The following ST3GAL1 variants were observed in gnomAD, a reference collection of about 807,000 sequenced individuals.
ST3GAL1 encodes CMP-N-acetylneuraminate-beta-galactosamide-alpha-2,3-sialyltransferase 1.
A neutral mutation model predicts 34.1 loss-of-function variants in ST3GAL1; 16 were observed. The ratio of observed to expected loss-of-function variants is 0.47; its 90% CI spans 0.32 to 0.71. The LOEUF is 0.71. ST3GAL1 is among the 30% of genes least tolerant of loss of function. The probability of loss-of-function intolerance (pLI) is 0.04; values close to 1 mark genes in which losing one functional copy is unlikely to be tolerated. For missense variants in ST3GAL1, 353 were observed against 447.4 expected, an observed-to-expected ratio of 0.79 and a Z score of 1.90; for synonymous variants, 191 against 184.7, an observed-to-expected ratio of 1.03 and a Z score of -0.28.
intron 1 of ST3GAL1, among the ~76,000 whole-genome samples, chr8:133,553,630 A>C (rs984664160): frequency 6.6e-6 from 1 of 152,208 alleles, no homozygotes; most frequent in Admixed American, 6.5e-5. Context: ...AAATGTACAC[A>C]GGAGCTCAGA....
intron 5 of ST3GAL1, among the ~76,000 whole-genome samples, chr8:133,475,434 C>T (rs1482353354): frequency 1.3e-5 from 2 of 152,198 alleles, no homozygotes; most frequent in African/African-American, 2.4e-5. Flanking sequence ...AAACTAAAGC[C>T]GTGCTTCCTG....
chr8:133,470,756 G>A (rs75713098), intron 5 of ST3GAL1, among the ~76,000 whole-genome samples: 12,555 of 152,168 alleles, frequency 0.083, 569 homozygotes, highest in Admixed American at 0.16. Flanking sequence ...GGGGCGAGGC[G>A]AGTGAGGAGT....
chr8:133,554,443 G>C (rs62518380), intron 1 of ST3GAL1, among the ~76,000 whole-genome samples: 1 of 152,024 alleles, frequency 6.6e-6, no homozygotes, highest in Non-Finnish European at 1.5e-5. Flanking sequence ...TAGGGGTGTA[G>C]GCAGATGAAG....
intron 1 of ST3GAL1, among the ~76,000 whole-genome samples, chr8:133,568,479 C>T (rs888260618): frequency 6.6e-6 from 1 of 152,150 alleles, no homozygotes; most frequent in African/African-American, 2.4e-5. Context: ...TCTTTGTGAC[C>T]GGGCCAGCTC....
intron 2 of ST3GAL1, among the ~76,000 whole-genome samples, chr8:133,503,952 G>A (rs189840351): frequency 1.3e-4 from 20 of 152,318 alleles, no homozygotes; most frequent in African/African-American, 4.6e-4. Flanking sequence ...CCTCAGCCAG[G>A]CAGTGTGGGA....
chr8:133,551,972 G>C (rs1195775962), intron 1 of ST3GAL1, among the ~76,000 whole-genome samples: 1 of 152,170 alleles, frequency 6.6e-6, no homozygotes, highest in African/African-American at 2.4e-5. Context: ...ATAAAGGCTG[G>C]AGCCTGAATG....
chr8:133,556,774 A>G lies in ST3GAL1; in HGVS notation c.-581-10848T>C, dbSNP rs537469284. On this transcript the variant is annotated intron_variant, in intron 1 of 9. Transcript: ENST00000522652. The surrounding 1 kb of genome is among the most constrained non-coding windows in gnomAD (Gnocchi z 8.9). ...GGCAAATGTGACCCAGAATGCCACCACTAACAGTCCTATTTATAGCCCTTT... is the reference window on the plus strand; with the variant it reads ...GGCAAATGTGACCCAGAATGCCACCGCTAACAGTCCTATTTATAGCCCTTT... Among the ~76,000 whole-genome samples the G allele has an allele frequency of 1.9e-4, 29 of 152,272 alleles. No individual in the cohort carries two copies. Among genetic ancestry groups the G allele is most frequent in the African/African-American group, 7.0e-4 (29 of 41,546 alleles).
At chr8:133,567,629 G>A (rs1020280036) in intron 1 of ST3GAL1, among the ~76,000 whole-genome samples, 1 of 152,192 alleles carries the variant, frequency 6.6e-6, no homozygotes, top group Non-Finnish European at 1.5e-5. Context: ...AGACCTCAGA[G>A]TCTGAAACTT....
chr8:133,474,356 T>A (rs1816077681), intron 5 of ST3GAL1, among the ~76,000 whole-genome samples: 1 of 152,224 alleles, frequency 6.6e-6, no homozygotes, highest in South Asian at 2.1e-4. Context: ...AAAGACTCTA[T>A]CTTTTCCATC....
intron 5 of ST3GAL1, among the ~76,000 whole-genome samples, chr8:133,470,873 G>A (rs898600334): frequency 6.6e-6 from 1 of 152,152 alleles, no homozygotes; most frequent in Non-Finnish European, 1.5e-5. Flanking sequence ...CTGCACTCGG[G>A]CATGATCCAC....
Position 133,475,843 on chromosome 8 carries a change from C to T in ST3GAL1, c.182G>A (p.Cys61Tyr). The T allele has an allele frequency of 3.1e-6, 5 of 1,614,164 alleles. No individual in the cohort carries two copies. Among genetic ancestry groups the T allele is most frequent in the Non-Finnish European group, 4.2e-6 (5 of 1,180,042 alleles). Residue 61 changes from cysteine (C) to tyrosine (Y), a missense_variant, in exon 5 of 10, where the codon TGC becomes TAC. Coordinates refer to ENST00000522652, the MANE Select transcript of ST3GAL1 (RefSeq NM_173344.3). ...KRLIKHRPCT[C>Y]THCIGQRKLS... ...CTTGCGCTGCCCGATGCAGTGGGTG[C>T]AGGTGCAAGGCCTGTGCTTGATCAG...
intron 2 of ST3GAL1, among the ~76,000 whole-genome samples, chr8:133,520,776 T>C (rs1205407397): frequency 1.4e-5 from 1 of 71,532 alleles, no homozygotes; most frequent in East Asian, 4.6e-4. Context: ...TTTGTGGGTT[T>C]TTTTTTTTTT....
In ST3GAL1 at chr8:133,467,448, T is replaced by C. The variant is rs1359060568; in HGVS notation, c.307-1358A>G. ...CCCCATGCCACAGTGCTGTGTCATTTCACTGTGGGTGAGGTAGGATGCTCT... is the reference window on the plus strand; with the variant it reads ...CCCCATGCCACAGTGCTGTGTCATTCCACTGTGGGTGAGGTAGGATGCTCT... On this transcript the variant is annotated intron_variant, in intron 5 of 9. Coordinates refer to ENST00000522652, the MANE Select transcript of ST3GAL1 (RefSeq NM_173344.3). This position sits in a 1 kb window ranked among gnomAD's most constrained non-coding sequence, Gnocchi z 4.2. Among the ~76,000 whole-genome samples, 3 of 152,178 alleles carry C rather than the reference T, an allele frequency of 2.0e-5. No individual in the cohort carries two copies. Among genetic ancestry groups the C allele is most frequent in the African/African-American group, 7.2e-5 (3 of 41,444 alleles).
At position 133,547,277 on chromosome 8, in the gene ST3GAL1, CT is replaced by C. The variant is rs545499937; in HGVS notation, c.-581-1352del. Among the ~76,000 whole-genome samples the C allele has an allele frequency of 3.1e-3, 456 of 146,718 alleles. 4 individuals are homozygous for C. The highest frequency in any genetic ancestry group is 0.01 in the African/African-American group (415 of 40,176). ...CTCTCTCTTGCTGCTGAGAATCATT[CT>C]TTTTTTTTTTGAGATGGGTCTCACT... On this transcript the variant is annotated intron_variant, in intron 1 of 9. Coordinates refer to ENST00000522652, the MANE Select transcript of ST3GAL1 (RefSeq NM_173344.3).
chr8:133,529,229 G>A (rs1462345037), intron 2 of ST3GAL1, among the ~76,000 whole-genome samples: 1 of 152,210 alleles, frequency 6.6e-6, no homozygotes, highest in African/African-American at 2.4e-5. Flanking sequence ...GATGGAGAAC[G>A]ACTAGGTCCT....
chr8:133,465,863 C>G (rs1196179162), intron 6 of ST3GAL1, 31 bp downstream of exon 6: 8 of 1,601,444 alleles, frequency 5.0e-6, no homozygotes, highest in Non-Finnish European at 6.8e-6. Flanking sequence ...GGGTGCAGCA[C>G]GGTAGGCTTG....
chr8:133,550,630 A>C (rs1818811135), intron 1 of ST3GAL1, among the ~76,000 whole-genome samples: 1 of 152,198 alleles, frequency 6.6e-6, no homozygotes, highest in Admixed American at 6.5e-5. Flanking sequence ...GCACCAATCT[A>C]GGAGCCAAGC....
chr8:133,512,925 A>G (rs1817534700), intron 2 of ST3GAL1, among the ~76,000 whole-genome samples: 1 of 152,186 alleles, frequency 6.6e-6, no homozygotes, highest in African/African-American at 2.4e-5. Flanking sequence ...ATTCCTTAAG[A>G]TCAAACCTGA....
At chr8:133,492,797 C>T (rs1262149432) in intron 3 of ST3GAL1, among the ~76,000 whole-genome samples, 3 of 152,214 alleles carry the variant, frequency 2.0e-5, no homozygotes, top group South Asian at 2.1e-4. Context: ...ATCTACCTTT[C>T]GGCCTCAGCT....
Sources: gnomAD v4.1 joint callset for allele counts (sites outside exome capture counted in the v4.1 genomes callset) on GRCh38, gnomAD v4.1.1 for gene constraint, Gnocchi (gnomAD v3.1) non-coding constraint, MANE v1.5 for transcripts, NCBI Gene and HGNC (gene_info 2026-07-23, HGNC 2026-07-21) for gene names.